Variants in PLXDC2 observed in about 807,000 individuals in gnomAD.
The protein encoded by PLXDC2 is plexin domain containing 2, also known as plexin domain-containing protein 2.
In PLXDC2, 40 loss-of-function variants were observed where a neutral mutation model predicts 68.9. The observed-to-expected ratio is 0.58, with a 90% confidence interval of 0.45 to 0.76. The LOEUF (loss-of-function observed/expected upper bound fraction) is 0.76. Ranked by LOEUF, PLXDC2 falls within the 30% of genes least tolerant of loss-of-function variation. PLXDC2 has a pLI of 0.00. For synonymous variants in PLXDC2, 243 were observed against 234.2 expected, an observed-to-expected ratio of 1.04 and a Z score of -0.34; for missense variants, 644 against 661.9, an observed-to-expected ratio of 0.97 and a Z score of 0.30.
chr10:19,820,236 C>T (rs1282311237), intron 1 of PLXDC2, among the ~76,000 whole-genome samples: 2 of 152,110 alleles, frequency 1.3e-5, no homozygotes, highest in Admixed American at 6.5e-5. Flanking sequence ...AAACTCTTGT[C>T]AGGGAGAATG....
rs936354852 is a variant in PLXDC2 at position 19,816,993 on chromosome 10, G to T, written c.-87G>T. On this transcript the variant is annotated 5_prime_UTR_variant, in exon 1 of 14. Transcript: ENST00000377252. Reference sequence around the variant, plus strand: ...GGTCCTACCGAGACCGATCCGCAGCGTTTGGCCCGGTCGTGCCTATTGCAT... The same window carrying T: ...GGTCCTACCGAGACCGATCCGCAGCTTTTGGCCCGGTCGTGCCTATTGCAT... 1.4e-5 allele frequency: 14 copies of T among 968,400 alleles called. No homozygotes were observed. The African/African-American group carries it at 1.6e-4, about 11-fold the overall frequency. 60.0% of individuals were successfully genotyped at this position (968,400 alleles called of 1,614,324 possible).
At chr10:19,824,471 C>T (rs760280224) in intron 1 of PLXDC2, among the ~76,000 whole-genome samples, 9 of 152,162 alleles carry the variant, frequency 5.9e-5, no homozygotes, top group Non-Finnish European at 8.8e-5. Context: ...AGTTGCTTTC[C>T]ACTTTCTCTT....
At chr10:19,847,367 T>A (rs962509695) in intron 1 of PLXDC2, among the ~76,000 whole-genome samples, 1 of 151,886 alleles carries the variant, frequency 6.6e-6, no homozygotes, top group African/African-American at 2.4e-5. Flanking sequence ...TCAGAAGGAG[T>A]CACTTTGGTT....
intron 4 of PLXDC2, among the ~76,000 whole-genome samples, chr10:20,130,932 A>G (rs1366563605): frequency 1.3e-5 from 2 of 152,144 alleles, no homozygotes; most frequent in African/African-American, 4.8e-5. Flanking sequence ...ATTGACCTGT[A>G]GTTTTCTTTT....
At chr10:20,211,453 G>C (rs148371823) in intron 9 of PLXDC2, among the ~76,000 whole-genome samples, 8 of 152,130 alleles carry the variant, frequency 5.3e-5, no homozygotes, top group African/African-American at 1.9e-4. Context: ...TGCCATGTGC[G>C]ATCCTAACAG....
intron 1 of PLXDC2, among the ~76,000 whole-genome samples, chr10:19,821,829 A>G (rs547082154): frequency 2.0e-5 from 3 of 152,320 alleles, no homozygotes; most frequent in Admixed American, 1.3e-4. Context: ...CAAAAAATTC[A>G]TTCGACCATT....
At chr10:19,856,238 A>G (rs771962874) in intron 1 of PLXDC2, among the ~76,000 whole-genome samples, 2 of 152,162 alleles carry the variant, frequency 1.3e-5, no homozygotes, top group African/African-American at 4.8e-5. Context: ...TTGTTTACAT[A>G]TATATGCTTT....
chr10:20,065,407 G>A (rs1836188302), intron 3 of PLXDC2, among the ~76,000 whole-genome samples: 1 of 152,142 alleles, frequency 6.6e-6, no homozygotes, highest in East Asian at 1.9e-4. Context: ...TCAAGTGGGG[G>A]AGTGATATGC....
At chr10:19,891,456 T>A (rs144744200) in intron 1 of PLXDC2, among the ~76,000 whole-genome samples, 348 of 152,374 alleles carry the variant, frequency 2.3e-3, no homozygotes, top group African/African-American at 8.1e-3. Context: ...TCTATTAGAT[T>A]GTGCTATAGA....
intron 13 of PLXDC2, 149 bp downstream of exon 13, chr10:20,245,654 T>G: frequency 3.5e-6 from 3 of 858,494 alleles, no homozygotes; most frequent in Non-Finnish European, 5.4e-6. Flanking sequence ...TTGTCCCCCA[T>G]GCACTCACGT....
intron 1 of PLXDC2, among the ~76,000 whole-genome samples, chr10:19,852,908 A>G (rs902085465): frequency 6.6e-6 from 1 of 152,226 alleles, no homozygotes; most frequent in African/African-American, 2.4e-5. Flanking sequence ...TAACTCAATC[A>G]TGTTCTTAGT....
At chr10:20,268,162 C>G (rs1199790657) in intron 13 of PLXDC2, among the ~76,000 whole-genome samples, 2 of 152,146 alleles carry the variant, frequency 1.3e-5, no homozygotes, top group African/African-American at 2.4e-5. Context: ...TCCTGCTACA[C>G]TAATACTTTA....
chr10:20,066,159 G>A (rs1836207604), intron 3 of PLXDC2, among the ~76,000 whole-genome samples: 1 of 152,214 alleles, frequency 6.6e-6, no homozygotes, highest in Non-Finnish European at 1.5e-5. Context: ...AGGAAAACTG[G>A]TCATTTCAAT....
intron 1 of PLXDC2, among the ~76,000 whole-genome samples, chr10:19,956,514 G>A (rs1411235023): frequency 1.3e-5 from 2 of 152,070 alleles, no homozygotes; most frequent in South Asian, 4.2e-4. Context: ...ACATTCCTCA[G>A]CAAAAACATC....
chr10:20,246,539 G>C (rs887172349), intron 13 of PLXDC2, among the ~76,000 whole-genome samples: 5 of 152,216 alleles, frequency 3.3e-5, no homozygotes, highest in Admixed American at 3.3e-4. Flanking sequence ...TAGTAGAGAT[G>C]GGGCTTTGCC....
chr10:20,023,230 GATAA>G (rs544731023), intron 2 of PLXDC2, among the ~76,000 whole-genome samples: 61 of 151,738 alleles, frequency 4.0e-4, no homozygotes, highest in African/African-American at 1.5e-3. Context: ...ATAAATGATC[GATAA>G]ATAACTACAT....
chr10:20,003,428 A>ATGTT (rs60598198), intron 2 of PLXDC2, among the ~76,000 whole-genome samples: 16,820 of 151,826 alleles, frequency 0.11, 1,072 homozygotes, highest in Admixed American at 0.17. Flanking sequence ...TAGAAACAGC[A>ATGTT]TGTTTGTTTG....
rs116383909 is a variant in PLXDC2 at position 19,937,956 on chromosome 10, A to G, written c.113-63819A>G. On this transcript the variant is annotated intron_variant, in intron 1 of 13. Transcript: ENST00000377252. ...TGATATCAGTGGTAATCATGGCTTT[A>G]GGCACAGGGTAACAATAGCTAACAC... Among the ~76,000 whole-genome samples, 1,213 of 152,176 alleles carry G rather than the reference A, an allele frequency of 8.0e-3. 23 individuals are homozygous for G. The highest frequency in any genetic ancestry group is 0.028 in the African/African-American group (1,153 of 41,528).
At chr10:20,055,077 G>A (rs375944190) in intron 3 of PLXDC2, among the ~76,000 whole-genome samples, 3 of 152,106 alleles carry the variant, frequency 2.0e-5, no homozygotes, top group East Asian at 3.9e-4. Flanking sequence ...TGAAATGGTT[G>A]AAGTGTTGTT....
Sources: gnomAD v4.1 joint callset for allele counts (sites outside exome capture counted in the v4.1 genomes callset) on GRCh38, gnomAD v4.1.1 for gene constraint, MANE v1.5 for transcripts, NCBI Gene and HGNC (gene_info 2026-07-23, HGNC 2026-07-21) for gene names.